Variants in PHTF1 observed in about 807,000 individuals in gnomAD.
PHTF1 encodes the protein protein PHTF1.
In PHTF1, 88 loss-of-function variants were observed where a neutral mutation model predicts 102.4. That is an observed-to-expected ratio of 0.86 (90% CI 0.72 to 1.03). The LOEUF (loss-of-function observed/expected upper bound fraction) is 1.03, where lower values mean the gene tolerates loss of function less well. Among genes scored for constraint, PHTF1 ranks in the 50% least tolerant of loss-of-function variants. The pLI is 0.00. For synonymous variants in PHTF1, 289 were observed against 305.2 expected, an observed-to-expected ratio of 0.95 and a Z score of 0.55; for missense variants, 814 against 909.5, an observed-to-expected ratio of 0.89 and a Z score of 1.35.
At chr1:113,749,535 A>G (rs1657707350) in intron 3 of PHTF1, 1 of 152,218 alleles carries the variant, frequency 6.6e-6, no homozygotes, top group African/African-American at 2.4e-5. Flanking sequence ...GGTCTTCCAG[A>G]ATCCAGAACT....
At chr1:113,755,187 T>C (rs924275854) in intron 3 of PHTF1, among the ~76,000 whole-genome samples, 8 of 152,192 alleles carry the variant, frequency 5.3e-5, no homozygotes, top group Admixed American at 4.6e-4. Flanking sequence ...CTTTTATTTT[T>C]TGTTTTTATT....
Position 113,749,021 on chromosome 1 carries a change from T to G in PHTF1, c.102+8678A>C, listed in dbSNP as rs555362025. On this transcript the variant is annotated intron_variant, in intron 3 of 18. Transcript: ENST00000369604. ...TAATATATACATTACCTCACATGGT[T>G]ATTATTTGTGTGGTGAGAACACTTA... Among the ~76,000 whole-genome samples, 7 of 152,350 alleles carry G rather than the reference T, an allele frequency of 4.6e-5. 1 individual carries two copies. In the South Asian group the frequency reaches 1.4e-3, roughly 32 times the overall value.
At chr1:113,711,917 T>C in intron 9 of PHTF1, 23 bp downstream of exon 9, 2 of 1,608,252 alleles carry the variant, frequency 1.2e-6, no homozygotes, top group South Asian at 1.1e-5. Flanking sequence ...TCCTATACTT[T>C]CATAAACTAA....
rs772787091 is a variant in PHTF1 at position 113,697,658 on chromosome 1, G to C, written c.*47C>G. Reference sequence around the variant, plus strand: ...TCTGCAGTCATCACTTTCCTTGATAGGTAAGTTTTGATACCAGCCAGGGGA... The same window carrying C: ...TCTGCAGTCATCACTTTCCTTGATACGTAAGTTTTGATACCAGCCAGGGGA... On this transcript the variant is annotated 3_prime_UTR_variant, in exon 19 of 19. Transcript: ENST00000369604. 54 of 1,412,560 alleles carry C rather than the reference G, an allele frequency of 3.8e-5. No individual in the cohort carries two copies. The highest frequency in any genetic ancestry group is 5.0e-5 in the Non-Finnish European group (50 of 998,820). 87.5% of individuals were successfully genotyped at this position (1,412,560 alleles called of 1,614,324 possible).
intron 3 of PHTF1, among the ~76,000 whole-genome samples, chr1:113,740,531 G>T (rs1229724235): frequency 1.3e-5 from 2 of 152,048 alleles, no homozygotes; most frequent in African/African-American, 4.8e-5. Flanking sequence ...CTTCAATCTT[G>T]ATTGTTTCCT....
intron 3 of PHTF1, among the ~76,000 whole-genome samples, chr1:113,751,644 A>C (rs1157366243): frequency 1.3e-5 from 2 of 152,224 alleles, no homozygotes; most frequent in Admixed American, 1.3e-4. Context: ...CTGGCTATTA[A>C]GAATAGTGCT....
At position 113,759,073 on chromosome 1, in the gene PHTF1, C is replaced by T; in HGVS notation, c.-81G>A. ...GCGCCCGGGACCTCCGTCCTCAGTG[C>T]CCGGGGTCCCACCGTGAGGCCGGGG... On this transcript the variant is annotated 5_prime_UTR_variant, in exon 1 of 19. Coordinates refer to ENST00000369604, the MANE Select transcript of PHTF1 (RefSeq NM_001323043.2). 1.0e-6 allele frequency: 1 copy of T among 998,084 alleles called. No homozygotes were observed. Among genetic ancestry groups the T allele is most frequent in the Non-Finnish European group, 1.2e-6 (1 of 838,662 alleles). 61.8% of individuals were successfully genotyped at this position (998,084 alleles called of 1,614,324 possible).
Position 113,701,826 on chromosome 1 carries a change from TAAAAAAAAAA to T in PHTF1, c.1891-887_1891-878del, listed in dbSNP as rs34844793. ...TGGCAACCTGGAATTCAATTCCTGG[TAAAAAAAAAA>T]AAAAAAAAAAAAAAAAAAAAAAATC... On this transcript the variant is annotated intron_variant, in intron 15 of 18. Transcript: ENST00000369604. Among the ~76,000 whole-genome samples, 120 of 28,008 alleles carry T rather than the reference TAAAAAAAAAA, an allele frequency of 4.3e-3. 2 individuals are homozygous for T. The highest frequency in any genetic ancestry group is 8.2e-3 in the South Asian group (5 of 608). 18.4% of individuals were successfully genotyped at this position (28,008 alleles called of 152,430 possible). A position where few individuals can be genotyped will look rare whatever the true frequency, so the allele number is the denominator to read the frequency against.
At chr1:113,759,679 C>T (rs955500358), upstream of PHTF1, among the ~76,000 whole-genome samples, 6 of 152,246 alleles carry the variant, frequency 3.9e-5, no homozygotes, top group Non-Finnish European at 8.8e-5. Context: ...CTCAGATCAC[C>T]CTTCAGGCCT....
At chr1:113,757,631 G>A (rs1263272560) in intron 3 of PHTF1, 68 bp downstream of exon 3, 3 of 989,608 alleles carry the variant, frequency 3.0e-6, no homozygotes, top group African/African-American at 3.2e-5. Context: ...GAGTTTACCA[G>A]GTAAGTACAA....
At chr1:113,727,505 T>C (rs981594786) in intron 5 of PHTF1, among the ~76,000 whole-genome samples, 2 of 152,308 alleles carry the variant, frequency 1.3e-5, no homozygotes, top group African/African-American at 2.4e-5. Flanking sequence ...CAAAGTGAAT[T>C]TGACATTTAA....
intron 3 of PHTF1, among the ~76,000 whole-genome samples, chr1:113,757,407 C>G (rs539863974): frequency 6.6e-6 from 1 of 152,194 alleles, no homozygotes; most frequent in Admixed American, 6.5e-5. Flanking sequence ...AATATTTGGA[C>G]CTGCACTGCC....
At chr1:113,723,903 A>G (rs1419669308) in intron 7 of PHTF1, among the ~76,000 whole-genome samples, 1 of 151,958 alleles carries the variant, frequency 6.6e-6, no homozygotes, top group Non-Finnish European at 1.5e-5. Flanking sequence ...AGAATATATA[A>G]GGAGTTCAAA....
intron 7 of PHTF1, among the ~76,000 whole-genome samples, chr1:113,723,378 A>G (rs184823226): frequency 8.3e-4 from 126 of 152,270 alleles, no homozygotes; most frequent in Middle Eastern, 3.4e-3. Flanking sequence ...AGGTTTGGCC[A>G]TGTTGGCCAG....
chr1:113,757,699 C>T lies in PHTF1; in HGVS notation c.102G>A (p.Lys34=). ...GGCGGAATCAAAGAAATCAATTTACCTTAATCTGAGTCTGTTCGATTGACT... is the reference window on the plus strand; with the variant it reads ...GGCGGAATCAAAGAAATCAATTTACTTTAATCTGAGTCTGTTCGATTGACT... ...WEKSIEQTQI[K]GLKNKPKKMG... Residue 34 remains lysine, a splice_region_variant and synonymous_variant, in exon 3 of 19, where the codon AAG becomes AAA. Transcript: ENST00000369604. The T allele has an allele frequency of 1.3e-6, 2 of 1,597,194 alleles. No individual in the cohort carries two copies. The highest frequency in any genetic ancestry group is 8.6e-7 in the Non-Finnish European group (1 of 1,164,644).
intron 14 of PHTF1, 101 bp downstream of exon 14, chr1:113,704,565 G>T: frequency 3.8e-6 from 3 of 797,210 alleles, no homozygotes; most frequent in Non-Finnish European, 3.9e-6. Context: ...GCTATAATCT[G>T]CCTGACACCC....
chr1:113,699,887 T>G (rs1649255696), intron 16 of PHTF1, 88 bp from the exon 17 acceptor site: 1 of 706,802 alleles, frequency 1.4e-6, no homozygotes, highest in African/African-American at 1.8e-5. Context: ...AGGTCATGTT[T>G]TCAAGTAAAA....
At chr1:113,699,878 G>T in intron 16 of PHTF1, 79 bp from the exon 17 acceptor site, 1 of 710,378 alleles carries the variant, frequency 1.4e-6, no homozygotes, top group Non-Finnish European at 2.3e-6. Flanking sequence ...ATATTTCAAA[G>T]GTCATGTTTT....
In PHTF1 at chr1:113,698,614, TATATATAC is replaced by T. The variant is rs778282878; in HGVS notation, c.2143-235_2143-228del. On this transcript the variant is annotated intron_variant, in intron 17 of 18. Coordinates refer to ENST00000369604, the MANE Select transcript of PHTF1 (RefSeq NM_001323043.2). The stretch of plus-strand genomic sequence containing the variant: ...AATATGTCATTTGTAGTTTTATATA[TATATATAC>T]ACACACACACACACACACACACACA... Among the ~76,000 whole-genome samples the T allele has an allele frequency of 2.8e-3, 243 of 86,292 alleles. 2 individuals carry two copies. In the South Asian group the frequency reaches 0.03, roughly 11 times the overall value. The allele number at this position is 86,292 out of a possible 152,430, so 56.6% of individuals were successfully genotyped here.
Sources: gnomAD v4.1 joint callset for allele counts (sites outside exome capture counted in the v4.1 genomes callset) on GRCh38, gnomAD v4.1.1 for gene constraint, MANE v1.5 for transcripts, NCBI Gene and HGNC (gene_info 2026-07-23, HGNC 2026-07-21) for gene names.